The following WDR27 variants were observed in gnomAD, a reference collection of about 807,000 sequenced individuals.
WDR27 encodes WD repeat-containing protein 27.
In WDR27, 100 loss-of-function variants were observed where a neutral mutation model predicts 114.4. The ratio of observed to expected loss-of-function variants is 0.87; its 90% confidence interval spans 0.74 to 1.03. The LOEUF (loss-of-function observed/expected upper bound fraction) is 1.03, where lower values mean the gene tolerates loss of function less well. WDR27 is among the 50% of genes least tolerant of loss of function. The probability of loss-of-function intolerance (pLI) is 0.00; values close to 1 mark genes in which losing one functional copy is unlikely to be tolerated. For missense variants in WDR27, 1,129 were observed against 1,092.9 expected, an observed-to-expected ratio of 1.03 and a Z score of -0.47; for synonymous variants, 449 against 423.1, an observed-to-expected ratio of 1.06 and a Z score of -0.75.
chr6:169,623,193 G>T (rs554064997), intron 21 of WDR27, among the ~76,000 whole-genome samples: 6 of 152,084 alleles, frequency 3.9e-5, no homozygotes, highest in African/African-American at 1.4e-4. Context: ...TCAGCTGGTC[G>T]TGCGGCCCCC....
At chr6:169,650,103 T>TCC (rs1275653513) in intron 14 of WDR27, among the ~76,000 whole-genome samples, 6 of 132,460 alleles carry the variant, frequency 4.5e-5, no homozygotes, top group African/African-American at 2.9e-5. Context: ...CATCCCTCCT[T>TCC]CCCCTCCATC....
At chr6:169,544,893 CAAAAG>C (rs752246936) in intron 25 of WDR27, among the ~76,000 whole-genome samples, 5 of 152,072 alleles carry the variant, frequency 3.3e-5, no homozygotes, top group Non-Finnish European at 5.9e-5. Flanking sequence ...AAAATGTTGA[CAAAAG>C]AAATCAAATA....
intron 2 of WDR27, among the ~76,000 whole-genome samples, chr6:169,688,405 G>C (rs1783612049): frequency 6.6e-6 from 1 of 152,120 alleles, no homozygotes; most frequent in Non-Finnish European, 1.5e-5. Context: ...CATGATCTAG[G>C]GGTGGTTACC....
At chr6:169,497,148 A>T (rs1474332631) in intron 25 of WDR27, among the ~76,000 whole-genome samples, 1 of 152,182 alleles carries the variant, frequency 6.6e-6, no homozygotes, top group Non-Finnish European at 1.5e-5. Flanking sequence ...TATATGGTCA[A>T]GGGTGCCAAG....
chr6:169,686,341 A>G (rs1181986714), intron 2 of WDR27, among the ~76,000 whole-genome samples: 1 of 152,188 alleles, frequency 6.6e-6, no homozygotes, highest in Non-Finnish European at 1.5e-5. Flanking sequence ...AATAAACAGT[A>G]AGAGAAGAAG....
chr6:169,658,171 A>G (rs922646124), intron 13 of WDR27, 105 bp downstream of exon 13: 8 of 862,486 alleles, frequency 9.3e-6, no homozygotes, highest in African/African-American at 1.7e-5. Flanking sequence ...GGAAGTACGG[A>G]ATGCATATTT....
chr6:169,602,004 T>C (rs1055796097), intron 23 of WDR27, among the ~76,000 whole-genome samples: 1 of 152,194 alleles, frequency 6.6e-6, no homozygotes, highest in Non-Finnish European at 1.5e-5. Flanking sequence ...TGATTAATAA[T>C]TAATTCATGA....
intron 25 of WDR27, among the ~76,000 whole-genome samples, chr6:169,540,029 GT>G (rs943856153): frequency 2.0e-5 from 3 of 152,134 alleles, no homozygotes; most frequent in African/African-American, 7.2e-5. Context: ...CATTTAGGTG[GT>G]TTTCTATAGC....
intron 22 of WDR27, among the ~76,000 whole-genome samples, chr6:169,612,755 AAAG>A (rs1424305340): frequency 6.6e-6 from 1 of 152,232 alleles, no homozygotes; most frequent in Non-Finnish European, 1.5e-5. Flanking sequence ...ATCATGATAA[AAAG>A]TAGTAAAGGA....
chr6:169,662,402 T>C lies in WDR27; in HGVS notation c.927A>G (p.Thr309=). 11 of 1,613,990 alleles carry C rather than the reference T, an allele frequency of 6.8e-6. No individual in the cohort carries two copies. The highest frequency in any genetic ancestry group is 9.3e-6 in the Non-Finnish European group (11 of 1,179,862). Residue 309 remains threonine (T), a synonymous_variant, in exon 9 of 26, where the codon ACA becomes ACG. Coordinates refer to ENST00000448612, the MANE Select transcript of WDR27 (RefSeq NM_182552.5). ...CCTGCTCTCCTTTTCCCAGAGCACT[T>C]GTAGAGGGAAGCTGGCTTTCTTCTA... The part of the protein sequence containing the change: ...SQPEESQLPS[T]SALGKGEQVE...
intron 17 of WDR27, among the ~76,000 whole-genome samples, chr6:169,640,157 A>T (rs1226310106): frequency 6.6e-6 from 1 of 152,166 alleles, no homozygotes; most frequent in Admixed American, 6.5e-5. Context: ...CTCACAGGGA[A>T]TGGGTAACCA....
the WDR27 span, among the ~76,000 whole-genome samples, chr6:169,444,014 A>G: frequency 6.6e-6 from 1 of 152,190 alleles, no homozygotes; most frequent in Non-Finnish European, 1.5e-5. Flanking sequence ...AGCAGGTTGC[A>G]GTCAACGTGC....
intron 25 of WDR27, among the ~76,000 whole-genome samples, chr6:169,508,539 T>C (rs1792320647): frequency 6.6e-6 from 1 of 152,210 alleles, no homozygotes; most frequent in Non-Finnish European, 1.5e-5. Context: ...GAGTGAATAG[T>C]CTAAAGTGAC....
At chr6:169,557,327 C>T (rs1001629276) in intron 25 of WDR27, among the ~76,000 whole-genome samples, 1 of 152,200 alleles carries the variant, frequency 6.6e-6, no homozygotes, top group African/African-American at 2.4e-5. Context: ...CCGGAACAGA[C>T]AAAGCCAGTC....
chr6:169,570,630 A>G (rs1801241114), intron 25 of WDR27, among the ~76,000 whole-genome samples: 1 of 152,192 alleles, frequency 6.6e-6, no homozygotes, highest in African/African-American at 2.4e-5. Flanking sequence ...GGAGTTGGAG[A>G]CTATCCTGGC....
chr6:169,579,100 T>C (rs1024526832), intron 24 of WDR27, among the ~76,000 whole-genome samples: 6 of 152,162 alleles, frequency 3.9e-5, no homozygotes, highest in Non-Finnish European at 7.3e-5. Context: ...TTCTGTGACA[T>C]TTCTCCACCA....
chr6:169,471,973 C>T (rs915833925), intron 25 of WDR27, among the ~76,000 whole-genome samples: 1 of 152,140 alleles, frequency 6.6e-6, no homozygotes, highest in Admixed American at 6.5e-5. Context: ...AGGTGTTATT[C>T]CCACTCATGA....
At chr6:169,551,572 TA>T (rs1798102242) in intron 25 of WDR27, among the ~76,000 whole-genome samples, 1 of 151,630 alleles carries the variant, frequency 6.6e-6, no homozygotes, top group South Asian at 2.1e-4. Context: ...CTGTCTCTAC[TA>T]AAAATACAAA....
chr6:169,700,001 G>A (rs1787448384), intron 1 of WDR27, among the ~76,000 whole-genome samples: 1 of 152,060 alleles, frequency 6.6e-6, no homozygotes, highest in South Asian at 2.1e-4. Context: ...AAAGAACAAT[G>A]GACAAGGGAA....
Sources: gnomAD v4.1 joint callset for allele counts (sites outside exome capture counted in the v4.1 genomes callset) on GRCh38, gnomAD v4.1.1 for gene constraint, MANE v1.5 for transcripts, NCBI Gene and HGNC (gene_info 2026-07-23, HGNC 2026-07-21) for gene names.